CDH1: variants seen among roughly 807,000 people sequenced by gnomAD.
The protein encoded by CDH1 is cadherin 1.
A neutral mutation model predicts 84.5 loss-of-function variants in CDH1; 35 were observed. The observed-to-expected ratio is 0.41, with a 90% CI of 0.32 to 0.55. The LOEUF is 0.55. Among genes scored for constraint, CDH1 ranks in the 20% least tolerant of loss-of-function variants. CDH1 has a pLI of 0.19. For synonymous variants in CDH1, 417 were observed against 439.0 expected (o/e 0.95, Z 0.63); for missense variants, 994 against 1,126.6 (o/e 0.88, Z 1.68).
At chr16:68,748,013 C>G (rs1253765216) in intron 2 of CDH1, among the ~76,000 whole-genome samples, 2 of 152,104 alleles carry the variant, frequency 1.3e-5, no homozygotes, top group Non-Finnish European at 2.9e-5. Flanking sequence ...ATCCACCTGC[C>G]TCGGCTTCCC....
intron 6 of CDH1, among the ~76,000 whole-genome samples, chr16:68,811,472 A>T (rs374218126): frequency 6.6e-6 from 1 of 150,514 alleles, no homozygotes; most frequent in Non-Finnish European, 1.5e-5. Context: ...CTTTATTACC[A>T]TTTGTGTATT....
chr16:68,766,216 G>T (rs943788203), intron 2 of CDH1, among the ~76,000 whole-genome samples: 1 of 152,108 alleles, frequency 6.6e-6, no homozygotes, highest in African/African-American at 2.4e-5. Flanking sequence ...CTGAGATCAC[G>T]CCACTGTGCT....
chr16:68,761,044 C>T lies in CDH1; in HGVS notation c.163+22633C>T, dbSNP rs543206168. Among the ~76,000 whole-genome samples, 365 of 152,270 alleles carry T rather than the reference C, an allele frequency of 2.4e-3. 3 individuals carry two copies. The highest frequency in any genetic ancestry group is 8.2e-3 in the African/African-American group (339 of 41,552). ...CAAGTGAAACTGAACTTCCGGTCCT[C>T]GAGTCACACAGGAGGGTAGGGGCTG... On this transcript the variant is annotated intron_variant, in intron 2 of 15. Transcript: ENST00000261769.
intron 2 of CDH1, among the ~76,000 whole-genome samples, chr16:68,773,984 A>T (rs899955778): frequency 6.6e-6 from 1 of 152,244 alleles, no homozygotes; most frequent in Non-Finnish European, 1.5e-5. Context: ...TGGTGCAGTC[A>T]TAGCTCACTG....
intron 2 of CDH1, among the ~76,000 whole-genome samples, chr16:68,741,820 C>T (rs540627049): frequency 3.2e-4 from 49 of 152,224 alleles, no homozygotes; most frequent in African/African-American, 1.1e-3. Flanking sequence ...GCTGGGATTG[C>T]AGGCACATGC....
At chr16:68,823,775 A>G in intron 13 of CDH1, 149 bp downstream of exon 13, 1 of 647,604 alleles carries the variant, frequency 1.5e-6, no homozygotes, top group Non-Finnish European at 2.7e-6. Context: ...CCTCCATAAA[A>G]TAGAAGTTTG....
intron 4 of CDH1, 26 bp from the exon 5 acceptor site, chr16:68,808,667 T>A (rs1212839522): frequency 6.2e-7 from 1 of 1,614,006 alleles, no homozygotes; most frequent in South Asian, 1.1e-5. Flanking sequence ...TCTTTACTAA[T>A]TCTTTTTCTT....
chr16:68,827,285 T>C (rs1961345758), intron 13 of CDH1, among the ~76,000 whole-genome samples: 1 of 151,266 alleles, frequency 6.6e-6, no homozygotes, highest in African/African-American at 2.4e-5. Flanking sequence ...TAATAATAAA[T>C]AAATAAATAA....
intron 2 of CDH1, among the ~76,000 whole-genome samples, chr16:68,739,030 C>G (rs1962488224): frequency 7.4e-6 from 1 of 134,512 alleles, no homozygotes; most frequent in African/African-American, 2.8e-5. Context: ...TTACTGCAGC[C>G]TCCATCCTCT....
At chr16:68,822,280 C>G in intron 12 of CDH1, 55 bp downstream of exon 12, 1 of 1,126,384 alleles carries the variant, frequency 8.9e-7, no homozygotes, top group South Asian at 1.2e-5. Context: ...TGCTTCCCTT[C>G]CCCCAGATCC....
intron 2 of CDH1, among the ~76,000 whole-genome samples, chr16:68,760,823 C>G (rs889947412): frequency 5.3e-5 from 8 of 151,982 alleles, no homozygotes; most frequent in African/African-American, 1.9e-4. Flanking sequence ...GTGGAGCTTC[C>G]CCAGAGTGGG....
intron 2 of CDH1, among the ~76,000 whole-genome samples, chr16:68,784,403 A>AT (rs1414690207): frequency 2.5e-4 from 37 of 148,136 alleles, no homozygotes; most frequent in African/African-American, 6.4e-4. Flanking sequence ...GACATCCAGC[A>AT]TTTTTTTTTT....
intron 2 of CDH1, among the ~76,000 whole-genome samples, chr16:68,765,974 T>C (rs924951167): frequency 2.0e-5 from 3 of 152,084 alleles, no homozygotes. Context: ...TATAATTTTA[T>C]ATCGGCCAGG....
Position 68,738,170 on chromosome 16 carries a change from G to T in CDH1, c.49-127G>T, listed in dbSNP as rs1341362784. On this transcript the variant is annotated intron_variant, in intron 1 of 15. Coordinates refer to ENST00000261769, the MANE Select transcript of CDH1 (RefSeq NM_004360.5). Reference sequence around the variant, plus strand: ...TGACGTCGCTGCCCGCCCGTCCCGGGGCTGCGGGCTGGGGTCCTCCCCCAA... The same window carrying T: ...TGACGTCGCTGCCCGCCCGTCCCGGTGCTGCGGGCTGGGGTCCTCCCCCAA... 1.2e-5 allele frequency: 8 copies of T among 644,718 alleles called. No individual in the cohort carries two copies. In the Admixed American group the frequency reaches 2.4e-4, roughly 19 times the overall value. The allele number at this position is 644,718 out of a possible 1,614,324, so 39.9% of individuals were successfully genotyped here.
chr16:68,738,361 C>T lies in CDH1; in HGVS notation c.113C>T (p.Thr38Met), dbSNP rs587778171. Residue 38 changes from threonine (T) to methionine (M), a missense_variant, in exon 2 of 16, where the codon ACG (threonine) becomes ATG (methionine). Thr to Met is a moderately conservative substitution (Grantham distance 81). Transcript: ENST00000261769. ...CHPGFDAESY[T>M]FTVPRRHLER... is the part of the protein sequence containing the mutation. Reference sequence around the variant, plus strand: ...CCTGGCTTTGACGCCGAGAGCTACACGTTCACGGTGCCCCGGCGCCACCTG... The same window carrying T: ...CCTGGCTTTGACGCCGAGAGCTACATGTTCACGGTGCCCCGGCGCCACCTG... The T allele has an allele frequency of 5.2e-6, 8 of 1,551,090 alleles. No homozygotes were observed. Among genetic ancestry groups the T allele is most frequent in the Admixed American group, 3.9e-5 (2 of 50,972 alleles).
chr16:68,779,379 G>T (rs1959814982), intron 2 of CDH1, among the ~76,000 whole-genome samples: 3 of 152,348 alleles, frequency 2.0e-5, no homozygotes, highest in South Asian at 4.1e-4. Context: ...TTGGGGTCCG[G>T]CAGGCCTGAG....
Position 68,770,345 on chromosome 16 carries a change from T to G in CDH1, c.164-31325T>G, listed in dbSNP as rs146679758. ...AGGACCTCAGAGGTAAGTATTTGGG[T>G]CTCTTGTGTCCCATCCCCACTCCCG... On this transcript the variant is annotated intron_variant, in intron 2 of 15. Coordinates refer to ENST00000261769, the MANE Select transcript of CDH1 (RefSeq NM_004360.5). Among the ~76,000 whole-genome samples, 793 of 152,080 alleles carry G rather than the reference T, an allele frequency of 5.2e-3. 6 individuals are homozygous for G. The highest frequency in any genetic ancestry group is 0.019 in the African/African-American group (780 of 41,510).
At chr16:68,806,013 T>A (rs901303825) in intron 3 of CDH1, among the ~76,000 whole-genome samples, 9 of 152,062 alleles carry the variant, frequency 5.9e-5, no homozygotes, top group Non-Finnish European at 1.0e-4. Context: ...AGTGACACAA[T>A]CTCGGCTCAC....
At position 68,801,873 on chromosome 16, in the gene CDH1, C is replaced by A. The variant is rs1555514482; in HGVS notation, c.367C>A (p.His123Asn). The A allele has an allele frequency of 6.2e-7, 1 of 1,614,018 alleles. No individual in the cohort carries two copies. Among genetic ancestry groups the A allele is most frequent in the Non-Finnish European group, 8.5e-7 (1 of 1,179,890 alleles). Residue 123 changes from histidine (H) to asparagine (N), a missense_variant, in exon 3 of 16, where the codon CAC (histidine) becomes AAC (asparagine). His to Asn is a moderately conservative substitution (Grantham distance 68). Around this residue, in one of 3 missense-constraint regions of CDH1, gnomAD observed 203 missense variants for 194.0 expected, o/e 1.05. Transcript: ENST00000261769. The part of the protein sequence containing the change: ...KVTLNTVGHH[H>N]RPPPHQASVS... Reference sequence around the variant, plus strand: ...CACGCTGAATACAGTGGGGCACCACCACCGCCCCCCGCCCCATCAGGTATG... The same window carrying A: ...CACGCTGAATACAGTGGGGCACCACAACCGCCCCCCGCCCCATCAGGTATG...
Sources: gnomAD v4.1 joint callset for allele counts (sites outside exome capture counted in the v4.1 genomes callset) on GRCh38, gnomAD v4.1.1 for gene constraint, gnomAD v4.1.1 regional missense constraint, MANE v1.5 for transcripts, NCBI Gene and HGNC (gene_info 2026-07-23, HGNC 2026-07-21) for gene names.